CAST: variants seen among roughly 807,000 people sequenced by gnomAD.
CAST encodes the protein calpastatin.
In CAST, 76 loss-of-function variants were observed where a neutral mutation model predicts 119.6. That is an observed-to-expected ratio of 0.64 (90% CI 0.53 to 0.77). The LOEUF (loss-of-function observed/expected upper bound fraction) is 0.77. CAST is among the 30% of genes least tolerant of loss of function. CAST has a pLI of 0.00. For synonymous variants in CAST, 319 were observed against 331.6 expected (o/e 0.96, Z 0.41); for missense variants, 953 against 946.5 (o/e 1.01, Z -0.09).
At chr5:96,085,740 C>T in the CAST span, among the ~76,000 whole-genome samples, 1 of 152,216 alleles carries the variant, frequency 6.6e-6, no homozygotes, top group Non-Finnish European at 1.5e-5. Flanking sequence ...GCAGCTGTCA[C>T]TCATGGGCTT....
intron 1 of CAST, among the ~76,000 whole-genome samples, chr5:96,534,436 T>C (rs1745744759): frequency 4.3e-5 from 4 of 92,430 alleles, no homozygotes; most frequent in South Asian, 7.8e-4. Context: ...TTTGGGAGGC[T>C]GAGGTGGGCG....
the CAST span, among the ~76,000 whole-genome samples, chr5:96,178,302 T>C: frequency 6.6e-6 from 1 of 152,192 alleles, no homozygotes. Context: ...TGGGAAAACA[T>C]AGACCTTCTG....
chr5:96,031,540 T>C, the CAST span, among the ~76,000 whole-genome samples: 1 of 152,176 alleles, frequency 6.6e-6, no homozygotes, highest in African/African-American at 2.4e-5. Context: ...TTTCTTCACT[T>C]TGTAGTGGAA....
At chr5:96,543,480 T>C (rs1365699571) in intron 1 of CAST, among the ~76,000 whole-genome samples, 2 of 152,204 alleles carry the variant, frequency 1.3e-5, no homozygotes, top group African/African-American at 2.4e-5. Context: ...CAAACCACCA[T>C]GGCACATGTA....
the CAST span, among the ~76,000 whole-genome samples, chr5:96,370,414 T>G: frequency 1.3e-5 from 2 of 152,154 alleles, no homozygotes; most frequent in African/African-American, 4.8e-5. Context: ...CTTACTTTCT[T>G]GAAACTTTAA....
intron 5 of CAST, among the ~76,000 whole-genome samples, chr5:96,727,174 A>C (rs886765168): frequency 6.6e-6 from 1 of 152,128 alleles, no homozygotes; most frequent in African/African-American, 2.4e-5. Flanking sequence ...GAAGGTTTTT[A>C]TTTTCTGTTG....
At chr5:96,614,574 A>G (rs1032150006) in intron 1 of CAST, among the ~76,000 whole-genome samples, 5 of 152,190 alleles carry the variant, frequency 3.3e-5, no homozygotes, top group African/African-American at 7.2e-5. Flanking sequence ...AGAGGAAATG[A>G]TTCATTCACT....
the CAST span, among the ~76,000 whole-genome samples, chr5:96,279,670 A>G: frequency 6.6e-6 from 1 of 152,230 alleles, no homozygotes; most frequent in Admixed American, 6.5e-5. Context: ...CAATGTTCTG[A>G]TTAATGTTCT....
chr5:96,081,485 G>C, the CAST span, among the ~76,000 whole-genome samples: 4 of 152,190 alleles, frequency 2.6e-5, no homozygotes, highest in African/African-American at 9.7e-5. Flanking sequence ...AGTTTCCTGA[G>C]GCCCAGTGTG....
rs1233618958 is a variant in CAST at position 96,536,045 on chromosome 5, T to G, written c.60+6165T>G. 4.0e-5 allele frequency among the ~76,000 whole-genome samples: 6 copies of G among 149,024 alleles called. 1 individual carries two copies. Among genetic ancestry groups the G allele is most frequent in the South Asian group, 4.3e-4 (2 of 4,646 alleles). On this transcript the variant is annotated intron_variant, in intron 1 of 11. Coordinates refer to the CAST transcript ENST00000505143. Reference sequence around the variant, plus strand: ...AAATATTTAAGGTTTTTTTTTTTTTTTTTTTTTTTTTAAAGAAAAAGGAGG... The same window carrying G: ...AAATATTTAAGGTTTTTTTTTTTTTGTTTTTTTTTTTAAAGAAAAAGGAGG...
At chr5:96,271,719 G>T in the CAST span, among the ~76,000 whole-genome samples, 2 of 148,742 alleles carry the variant, frequency 1.3e-5, no homozygotes, top group African/African-American at 4.9e-5. Context: ...TTTTAGGTAA[G>T]ATCTCAAAGC....
chr5:96,746,302 A>G, intron 16 of CAST, 40 bp from the exon 17 acceptor site: 1 of 1,109,956 alleles, frequency 9.0e-7, no homozygotes, highest in Non-Finnish European at 1.4e-6. Flanking sequence ...CATTATGTGC[A>G]TTATCCAACT....
chr5:96,360,975 T>A, the CAST span, among the ~76,000 whole-genome samples: 390 of 151,850 alleles, frequency 2.6e-3, no homozygotes, highest in African/African-American at 9.2e-3. Flanking sequence ...CTAATGGGAG[T>A]TTTATCTATA....
At chr5:96,545,960 T>G (rs1746003281) in intron 1 of CAST, among the ~76,000 whole-genome samples, 2 of 152,246 alleles carry the variant, frequency 1.3e-5, no homozygotes, top group Non-Finnish European at 2.9e-5. Context: ...ACCTTGTTCC[T>G]TCTAAGTCAC....
At chr5:96,039,176 C>T in the CAST span, among the ~76,000 whole-genome samples, 5 of 151,896 alleles carry the variant, frequency 3.3e-5, no homozygotes, top group Non-Finnish European at 5.9e-5. Context: ...TCTTCTTTTG[C>T]GAAGTGTCTT....
At chr5:96,263,840 C>T in the CAST span, among the ~76,000 whole-genome samples, 1 of 152,106 alleles carries the variant, frequency 6.6e-6, no homozygotes, top group Non-Finnish European at 1.5e-5. Flanking sequence ...TCTTACATGG[C>T]ACCAGGAGGA....
At chr5:96,148,594 G>A in the CAST span, among the ~76,000 whole-genome samples, 1 of 152,192 alleles carries the variant, frequency 6.6e-6, no homozygotes, top group East Asian at 1.9e-4. Context: ...GTCAGAGTCA[G>A]CGTTAGGATA....
At chr5:96,635,475 C>T (rs987514491) in intron 1 of CAST, among the ~76,000 whole-genome samples, 2 of 152,138 alleles carry the variant, frequency 1.3e-5, no homozygotes, top group Non-Finnish European at 2.9e-5. Flanking sequence ...GACTCCATCT[C>T]TCTGGGTTGA....
the CAST span, among the ~76,000 whole-genome samples, chr5:96,471,786 G>GTGTGTGTGTGTGTT: frequency 0.1 from 15,277 of 149,366 alleles, 827 homozygotes; most frequent in Admixed American, 0.14. Context: ...GTGTGTGTGT[G>GTGTGTGTGTGTGTT]TGTGTGTGTG....
Sources: allele counts gnomAD v4.1 joint callset (sites outside exome capture counted in the v4.1 genomes callset), GRCh38; gene constraint gnomAD v4.1.1; transcripts MANE v1.5; gene names NCBI Gene and HGNC (gene_info 2026-07-23, HGNC 2026-07-21).